The following RRN3 variants were observed in gnomAD, a reference collection of about 807,000 sequenced individuals.
The protein encoded by RRN3 is RNA polymerase I-specific transcription initiation factor RRN3.
A neutral mutation model predicts 82.3 loss-of-function variants in RRN3; 38 were observed. That is an observed-to-expected ratio of 0.46 (90% CI 0.36 to 0.61). The LOEUF (loss-of-function observed/expected upper bound fraction) is 0.61. RRN3 is among the 20% of genes least tolerant of loss of function. RRN3 has a pLI of 0.00. For missense variants in RRN3, 726 were observed against 793.1 expected (o/e 0.92, Z 1.02); for synonymous variants, 284 against 284.3 (o/e 1.00, Z 0.01).
In RRN3 at chr16:15,073,013, C is replaced by T; in HGVS notation, c.1065G>A (p.Leu355=). 6.2e-7 allele frequency: 1 copy of T among 1,613,362 alleles called. No individual in the cohort carries two copies. Among genetic ancestry groups the T allele is most frequent in the South Asian group, 1.1e-5 (1 of 90,792 alleles). The part of the protein sequence containing the change: ...RDLINIFDKL[L]LPTHASCHVQ... ...CATGGCAGGAGGCATGGGTGGGCAA[C>T]AGGAGTTTGTCAAAGATGTTTATCA... is the stretch of plus-strand genomic sequence containing the variant. The change falls in exon 12 of 18, where the codon CTG becomes CTA. Residue 355 remains leucine, a synonymous_variant. Transcript: ENST00000198767.
chr16:15,072,367 A>T (rs1471585829), intron 12 of RRN3, among the ~76,000 whole-genome samples: 2 of 152,184 alleles, frequency 1.3e-5, no homozygotes, highest in East Asian at 3.8e-4. Context: ...AAGGAAATAC[A>T]GTTAATTACC....
intron 10 of RRN3, among the ~76,000 whole-genome samples, chr16:15,076,021 T>C (rs1056876944): frequency 6.6e-6 from 1 of 152,110 alleles, no homozygotes; most frequent in Non-Finnish European, 1.5e-5. Flanking sequence ...GAACAAACTC[T>C]GTAGACCAAT....
At chr16:15,093,250 C>A (rs149635646) in intron 1 of RRN3, among the ~76,000 whole-genome samples, 325 of 152,298 alleles carry the variant, frequency 2.1e-3, no homozygotes, top group African/African-American at 7.6e-3. Context: ...ATGATCCGCC[C>A]GCCTCGGCCT....
rs1369644140 is a variant in RRN3, at chr16:15,092,740, T to G, written c.90-126A>C. The G allele has an allele frequency of 6.1e-6, 4 of 657,140 alleles. No homozygotes were observed. The Admixed American group carries it at 1.1e-4, about 18-fold the overall frequency. 40.7% of individuals were successfully genotyped at this position (657,140 alleles called of 1,614,324 possible). A position where few individuals can be genotyped will look rare whatever the true frequency, so the allele number is the denominator to read the frequency against. On this transcript the variant is annotated intron_variant, in intron 1 of 17. Transcript: ENST00000198767. ...AAGGCCTCTTTACTGGTCTCCCTGC[T>G]TCCACTCTTAACCAACAATCCTTCC...
intron 17 of RRN3, 79 bp downstream of exon 17, chr16:15,063,117 A>C (rs2044782773): frequency 9.0e-7 from 1 of 1,105,826 alleles, no homozygotes; most frequent in Non-Finnish European, 1.4e-6. Context: ...CGCACGAACG[A>C]CTTGCCACTT....
At chr16:15,069,786 C>T (rs2045143922) in intron 14 of RRN3, among the ~76,000 whole-genome samples, 1 of 152,188 alleles carries the variant, frequency 6.6e-6, no homozygotes, top group South Asian at 2.1e-4. Context: ...CAGGGCTCAG[C>T]CTCACCTCTG....
chr16:15,081,774 T>C (rs1323653697), intron 8 of RRN3, among the ~76,000 whole-genome samples: 1 of 152,218 alleles, frequency 6.6e-6, no homozygotes, highest in African/African-American at 2.4e-5. Context: ...AATGTACTCG[T>C]TTTCTTCTCA....
In RRN3 at chr16:15,061,837, C is replaced by T. The variant is rs201322868; in HGVS notation, c.1863G>A (p.Gly621=). 6.4e-5 allele frequency: 104 copies of T among 1,613,920 alleles called. No homozygotes were observed. Among genetic ancestry groups the T allele is most frequent in the Non-Finnish European group, 7.5e-5 (88 of 1,179,862 alleles). The change falls in exon 18 of 18, where the codon GGG becomes GGA. Residue 621 remains glycine, a synonymous_variant. Transcript: ENST00000198767. The part of the protein sequence containing the change: ...GEVPQNDTVI[G]ITPSSFDTHF... ...GCGTGTCAAAGGAGCTTGGTGTGATCCCAATCACGGTATCATTCTGGGGCA... is the reference window on the plus strand; with the variant it reads ...GCGTGTCAAAGGAGCTTGGTGTGATTCCAATCACGGTATCATTCTGGGGCA...
At chr16:15,067,373 G>A (rs919408656) in intron 15 of RRN3, among the ~76,000 whole-genome samples, 3 of 106,418 alleles carry the variant, frequency 2.8e-5, no homozygotes, top group South Asian at 3.4e-4. Flanking sequence ...ATGACTTTAG[G>A]CAAGTGATTT....
intron 11 of RRN3, among the ~76,000 whole-genome samples, chr16:15,073,904 T>C (rs557501160): frequency 6.6e-6 from 1 of 152,282 alleles, no homozygotes; most frequent in Admixed American, 6.5e-5. Context: ...ATAACAATTA[T>C]TTTAAAACAG....
intron 12 of RRN3, among the ~76,000 whole-genome samples, chr16:15,072,352 G>A (rs1255316558): frequency 6.6e-6 from 1 of 152,082 alleles, no homozygotes; most frequent in South Asian, 2.1e-4. Flanking sequence ...CCCTTGGAAA[G>A]AATAAAGGAA....
chr16:15,087,065 C>A (rs1362243076), intron 3 of RRN3, among the ~76,000 whole-genome samples: 2 of 152,020 alleles, frequency 1.3e-5, no homozygotes, highest in South Asian at 2.1e-4. Context: ...AAATTTGAAA[C>A]GCAATGTATA....
At chr16:15,079,694 G>A (rs2045615670) in intron 9 of RRN3, among the ~76,000 whole-genome samples, 1 of 151,870 alleles carries the variant, frequency 6.6e-6, no homozygotes, top group Non-Finnish European at 1.5e-5. Flanking sequence ...CCGGATTCAA[G>A]CAATTCTCCC....
intron 16 of RRN3, among the ~76,000 whole-genome samples, chr16:15,064,027 G>A (rs2044842448): frequency 6.6e-6 from 1 of 152,264 alleles, no homozygotes; most frequent in Non-Finnish European, 1.5e-5. Flanking sequence ...AGACTTCAGG[G>A]ACCAGACAAT....
At chr16:15,071,040 G>A in intron 13 of RRN3, 81 bp downstream of exon 13, 1 of 1,232,422 alleles carries the variant, frequency 8.1e-7, no homozygotes, top group Non-Finnish European at 1.1e-6. Flanking sequence ...AAAAAAATGG[G>A]AGATATTTCT....
chr16:15,082,345 C>T (rs1256022459), intron 8 of RRN3, among the ~76,000 whole-genome samples: 2 of 152,024 alleles, frequency 1.3e-5, no homozygotes, highest in East Asian at 3.9e-4. Context: ...TGTTCTATTG[C>T]TACAAAATAT....
At chr16:15,071,534 G>A (rs1262299274) in intron 12 of RRN3, among the ~76,000 whole-genome samples, 4 of 152,320 alleles carry the variant, frequency 2.6e-5, no homozygotes, top group Admixed American at 1.3e-4. Flanking sequence ...TTGGGAGGCC[G>A]AGGCGGGTGG....
rs2045784776 is a variant in RRN3, at chr16:15,083,405, G to GA, written c.666+107dup. The GA allele has an allele frequency of 3.3e-6, 5 of 1,492,874 alleles. No homozygotes were observed. The African/African-American group carries it at 5.7e-5, about 17-fold the overall frequency. 92.5% of individuals were successfully genotyped at this position (1,492,874 alleles called of 1,614,324 possible). On this transcript the variant is annotated intron_variant, in intron 8 of 17. Coordinates refer to ENST00000198767, the MANE Select transcript of RRN3 (RefSeq NM_018427.5). Reference sequence around the variant, plus strand: ...CAGAGTGAGACTCGGTCTCAAAAAAGAAAAAGAAAAAGAAAGACTGGAAAA... The same window carrying GA: ...CAGAGTGAGACTCGGTCTCAAAAAAGAAAAAAGAAAAAGAAAGACTGGAAAA...
intron 15 of RRN3, 62 bp downstream of exon 15, chr16:15,068,107 C>G: frequency 6.7e-7 from 1 of 1,499,642 alleles, no homozygotes; most frequent in South Asian, 1.2e-5. Context: ...TCTTACAATA[C>G]TAGATAAACA....
Sources: gnomAD v4.1 joint callset for allele counts (sites outside exome capture counted in the v4.1 genomes callset) on GRCh38, gnomAD v4.1.1 for gene constraint, MANE v1.5 for transcripts, NCBI Gene and HGNC (gene_info 2026-07-23, HGNC 2026-07-21) for gene names.